The following PIEZO1 variants were observed in gnomAD, a reference collection of about 807,000 sequenced individuals.
The protein encoded by PIEZO1 is piezo-type mechanosensitive ion channel component 1.
PIEZO1 carries 296 observed loss-of-function variants against 297.2 expected under a neutral mutation model. The ratio of observed to expected loss-of-function variants is 1.00; its 90% confidence interval spans 0.91 to 1.10. The LOEUF (loss-of-function observed/expected upper bound fraction) is 1.10. Among genes scored for constraint, PIEZO1 ranks in the 50% least tolerant of loss-of-function variants. The probability of loss-of-function intolerance (pLI) is 0.00; values close to 1 mark genes in which losing one functional copy is unlikely to be tolerated. For synonymous variants in PIEZO1, 2,427 were observed against 1,507.5 expected (o/e 1.61, Z -14.13); for missense variants, 5,018 against 3,455.5 (o/e 1.45, Z -11.34).
chr16:88,726,499 G>C, intron 26 of PIEZO1, 44 bp from the exon 27 acceptor site: 1 of 1,546,686 alleles, frequency 6.5e-7, no homozygotes, highest in South Asian at 1.2e-5. Flanking sequence ...GGGCCCAGGA[G>C]CAGGGGGCTT....
At chr16:88,717,320 A>C in intron 44 of PIEZO1, 109 bp from the exon 45 acceptor site, 1 of 912,330 alleles carries the variant, frequency 1.1e-6, no homozygotes, top group East Asian at 2.6e-5. Context: ...GCCTGACCTC[A>C]GTATGGCACA....
chr16:88,742,151 C>A (rs1263230411), intron 3 of PIEZO1, 56 bp from the exon 4 acceptor site: 2 of 1,529,236 alleles, frequency 1.3e-6, no homozygotes, highest in East Asian at 4.9e-5. Flanking sequence ...GCACCGTGGC[C>A]TGGTCATCCC....
At chr16:88,727,690 G>GGCC in intron 22 of PIEZO1, 29 bp from the exon 23 acceptor site, 1 of 1,208,520 alleles carries the variant, frequency 8.3e-7, no homozygotes, top group Non-Finnish European at 1.1e-6. Flanking sequence ...TGTCAGGAAG[G>GGCC]GCCGGGCCTG....
At chr16:88,783,273 C>T in intron 1 of PIEZO1, among the ~76,000 whole-genome samples, 1 of 152,222 alleles carries the variant, frequency 6.6e-6, no homozygotes, top group East Asian at 1.9e-4. Flanking sequence ...CAGAATCGGG[C>T]TCAACACCTG....
At chr16:88,733,506 G>A in intron 18 of PIEZO1, 52 bp from the exon 19 acceptor site, 1 of 1,531,788 alleles carries the variant, frequency 6.5e-7, no homozygotes, top group Non-Finnish European at 8.8e-7. Flanking sequence ...GTGGGCACGT[G>A]GGGCTGGGCT....
At position 88,754,932 on chromosome 16, in the gene PIEZO1, G is replaced by T. The variant is rs368344208; in HGVS notation, c.65-5453C>A. ...GCCGTCCCGCTCCACGCCTGCACAG[G>T]AGCTGAAAGCTGGGGCCCCAGGCCC... On this transcript the variant is annotated intron_variant, in intron 1 of 50. Transcript: ENST00000301015. Among the ~76,000 whole-genome samples, 8 of 152,354 alleles carry T rather than the reference G, an allele frequency of 5.3e-5. 1 individual carries two copies. In the South Asian group the frequency reaches 1.7e-3, roughly 32 times the overall value.
intron 1 of PIEZO1, among the ~76,000 whole-genome samples, chr16:88,776,429 G>A (rs1324668958): frequency 6.7e-6 from 1 of 150,240 alleles, no homozygotes; most frequent in Non-Finnish European, 1.5e-5. Flanking sequence ...GCGAGACTCT[G>A]TCTCAAAAAA....
chr16:88,754,832 C>T (rs558114515), intron 1 of PIEZO1, among the ~76,000 whole-genome samples: 1 of 152,340 alleles, frequency 6.6e-6, no homozygotes, highest in African/African-American at 2.4e-5. Flanking sequence ...GACCCGGGAC[C>T]CACAGGAGCT....
chr16:88,753,066 G>A (rs1906471611), intron 1 of PIEZO1, among the ~76,000 whole-genome samples: 1 of 147,934 alleles, frequency 6.8e-6, no homozygotes, highest in Admixed American at 6.7e-5. Flanking sequence ...GGGCTACTTA[G>A]CCCAAAGCCC....
rs539344462 is a variant in PIEZO1, at chr16:88,736,304, C to T, written c.1401G>A (p.Ser467=). 94 of 1,550,158 alleles carry T rather than the reference C, an allele frequency of 6.1e-5. No individual in the cohort carries two copies. Among genetic ancestry groups the T allele is most frequent in the Middle Eastern group, 3.3e-4 (2 of 5,986 alleles). The change falls in exon 12 of 51, where the codon TCG becomes TCA. Residue 467 remains serine, a synonymous_variant. Transcript: ENST00000301015. ...TCATCCCATACAGCAGGATGCAGGG[C>T]GAGCACAGCATGGCCAGTTGGTGGC... ...RSRHQLAMLC[S]PCILLYGMTL...
chr16:88,737,509 T>C (rs997348528), intron 10 of PIEZO1, 50 bp downstream of exon 10: 2 of 1,319,786 alleles, frequency 1.5e-6, no homozygotes, highest in East Asian at 5.6e-5. Flanking sequence ...AGCACCGGCC[T>C]CCGCCCCGCC....
At chr16:88,757,327 T>TGGTGGGGGGGGGGGG (rs1906720657) in intron 1 of PIEZO1, among the ~76,000 whole-genome samples, 2 of 42,698 alleles carry the variant, frequency 4.7e-5, no homozygotes, top group Admixed American at 3.5e-4. Context: ...GGCGGGGGGG[T>TGGTGGGGGGGGGGGG]GGGGGGTAGT....
At chr16:88,772,569 A>C (rs1907472841) in intron 1 of PIEZO1, among the ~76,000 whole-genome samples, 1 of 152,100 alleles carries the variant, frequency 6.6e-6, no homozygotes, top group Admixed American at 6.5e-5. Flanking sequence ...TCACGAGGTC[A>C]ACAGATCAAG....
In PIEZO1 at chr16:88,721,650, T is replaced by G. The variant is rs530387460; in HGVS notation, c.5291A>C (p.Glu1764Ala). The change falls in exon 38 of 51, where the codon GAG (glutamate) becomes GCG (alanine). Residue 1764 changes from glutamate (E) to alanine (A), a missense_variant. Transcript: ENST00000301015. ...WNSHVVLRRY[E>A]NKPYFPPRIL... Reference sequence around the variant, plus strand: ...GCGGGGCGGGAAGTAGGGCTTGTTCTCGTAGCGCCGCAGCACCACGTGGCT... The same window carrying G: ...GCGGGGCGGGAAGTAGGGCTTGTTCGCGTAGCGCCGCAGCACCACGTGGCT... The G allele has an allele frequency of 1.3e-4, 203 of 1,550,146 alleles. 1 individual carries two copies. The African/African-American group carries it at 2.3e-3, about 18-fold the overall frequency.
chr16:88,746,780 G>A (rs115906698), intron 2 of PIEZO1, among the ~76,000 whole-genome samples: 256 of 152,358 alleles, frequency 1.7e-3, no homozygotes, highest in African/African-American at 5.8e-3. Context: ...GCCTGGCTGG[G>A]CGCCTGCCTT....
At position 88,784,953 on chromosome 16, in the gene PIEZO1, G is replaced by T. The variant is rs1009719451; in HGVS notation, c.12C>A (p.His4Gln). The T allele has an allele frequency of 9.4e-6, 13 of 1,377,770 alleles. No individual in the cohort carries two copies. The highest frequency in any genetic ancestry group is 5.2e-5 in the Admixed American group (2 of 38,142). 85.3% of individuals were successfully genotyped at this position (1,377,770 alleles called of 1,614,324 possible). A position where few individuals can be genotyped will look rare whatever the true frequency, so the allele number is the denominator to read the frequency against. Reference sequence around the variant, plus strand: ...GCCAGTACAGGACCGCGCCGAGCACGTGCGGCTCCATGGCTGGAGGGCCCA... The same window carrying T: ...GCCAGTACAGGACCGCGCCGAGCACTTGCGGCTCCATGGCTGGAGGGCCCA... MEP[H>Q]VLGAVLYWLL... Residue 4 changes from histidine (H) to glutamine (Q), a missense_variant, in exon 1 of 51, where the codon CAC becomes CAA. His to Gln is a conservative substitution (Grantham distance 24). Transcript: ENST00000301015.
rs373366044 is a variant in PIEZO1 at position 88,726,741 on chromosome 16, C to T, written c.3673G>A (p.Val1225Ile). 34 of 1,549,838 alleles carry T rather than the reference C, an allele frequency of 2.2e-5. No homozygotes were observed. The highest frequency in any genetic ancestry group is 7.3e-5 in the East Asian group (3 of 40,900). ...GACAGCATGTTCTTGGAGATGATGA[C>T]GGTGACGTTGTACAGAATGAGGCAG... ...WDCLILYNVTVIISKNMLSLL... is the reference protein window; with the variant it reads ...WDCLILYNVTIIISKNMLSLL... The change falls in exon 25 of 51, where the codon GTC (valine) becomes ATC (isoleucine). Residue 1225 changes from valine (V) to isoleucine (I), a missense_variant. Val to Ile is a conservative substitution (Grantham distance 29, BLOSUM62 3). Coordinates refer to ENST00000301015, the MANE Select transcript of PIEZO1 (RefSeq NM_001142864.4).
chr16:88,731,616 T>G, intron 22 of PIEZO1, 90 bp downstream of exon 22: 6 of 960,194 alleles, frequency 6.2e-6, no homozygotes, highest in East Asian at 5.3e-5. Flanking sequence ...TCTAGGAGGG[T>G]GGACAGGAGT....
chr16:88,727,619 G>T lies in PIEZO1; in HGVS notation c.3239C>A (p.Ala1080Glu). Residue 1080 changes from alanine (A) to glutamate (E), a missense_variant, in exon 23 of 51, where the codon GCA becomes GAA. Coordinates refer to ENST00000301015, the MANE Select transcript of PIEZO1 (RefSeq NM_001142864.4). Reference sequence around the variant, plus strand: ...AGGCAGGTACAGCCACTTGATGAGTGCGGAGTTCATGGGGACGGCCCGGCT... The same window carrying T: ...AGGCAGGTACAGCCACTTGATGAGTTCGGAGTTCATGGGGACGGCCCGGCT... ...RWSRAVPMNS[A>E]LIKWLYLPDF... 1 of 1,528,192 alleles carries T rather than the reference G, an allele frequency of 6.5e-7. No homozygotes were observed. The highest frequency in any genetic ancestry group is 8.8e-7 in the Non-Finnish European group (1 of 1,132,530). The allele number at this position is 1,528,192 out of a possible 1,614,324, so 94.7% of individuals were successfully genotyped here.
Sources: gnomAD v4.1 joint callset for allele counts (sites outside exome capture counted in the v4.1 genomes callset) on GRCh38, gnomAD v4.1.1 for gene constraint, MANE v1.5 for transcripts, NCBI Gene and HGNC (gene_info 2026-07-23, HGNC 2026-07-21) for gene names.